Variants in DPP8 observed in about 807,000 individuals in gnomAD.
DPP8 encodes dipeptidyl peptidase 8, also known as DPP VIII.
A neutral mutation model predicts 107.5 loss-of-function variants in DPP8; 31 were observed. That is an observed-to-expected ratio of 0.29 (90% CI 0.22 to 0.39). DPP8 has a LOEUF of 0.39. Among genes scored for constraint, DPP8 ranks in the 10% least tolerant of loss-of-function variants. The probability of loss-of-function intolerance (pLI) is 1.00; values close to 1 mark genes in which losing one functional copy is unlikely to be tolerated. For synonymous variants in DPP8, 381 were observed against 356.6 expected (o/e 1.07, Z -0.77); for missense variants, 842 against 1,076.1 (o/e 0.78, Z 3.04).
intron 15 of DPP8, among the ~76,000 whole-genome samples, chr15:65,461,898 C>T (rs1328296311): frequency 6.8e-6 from 1 of 147,640 alleles, no homozygotes; most frequent in Non-Finnish European, 1.5e-5. Flanking sequence ...CGCGCACAGC[C>T]GACCGTTTTT....
chr15:65,478,344 C>T (rs762157589), intron 11 of DPP8, among the ~76,000 whole-genome samples: 4 of 152,104 alleles, frequency 2.6e-5, no homozygotes, highest in Admixed American at 6.5e-5. Flanking sequence ...CTGCAATCTC[C>T]GCCTCCTGGG....
chr15:65,454,820 C>T (rs548499711), intron 16 of DPP8, among the ~76,000 whole-genome samples: 8 of 151,650 alleles, frequency 5.3e-5, no homozygotes, highest in African/African-American at 1.7e-4. Flanking sequence ...CCACCACACC[C>T]GGCCCCGTAG....
At chr15:65,489,166 G>A (rs1007620177) in intron 6 of DPP8, among the ~76,000 whole-genome samples, 2 of 151,900 alleles carry the variant, frequency 1.3e-5, no homozygotes, top group Admixed American at 6.6e-5. Flanking sequence ...TCACCATGTT[G>A]GCCAGGATAG....
At chr15:65,516,951 A>C (rs1849961143) in intron 1 of DPP8, 1 of 152,704 alleles carries the variant, frequency 6.5e-6, no homozygotes, top group African/African-American at 2.4e-5. Flanking sequence ...TGTGGCAGGA[A>C]AGGAAAGTGT....
At chr15:65,500,571 C>A (rs1359617093) in intron 4 of DPP8, 35 bp downstream of exon 4, 2 of 1,592,562 alleles carry the variant, frequency 1.3e-6, no homozygotes, top group South Asian at 2.2e-5. Context: ...CTTTTGGACC[C>A]AAACCAGATT....
In DPP8 at chr15:65,444,821, C is replaced by A. The variant is rs2140277334; in HGVS notation, c.*2063G>T. On this transcript the variant is annotated 3_prime_UTR_variant, in exon 20 of 20. Coordinates refer to ENST00000300141, the MANE Select transcript of DPP8 (RefSeq NM_130434.5). Reference sequence around the variant, plus strand: ...CAATGGAGTAGCTGCTTAAAAGCTACTGTATACCATTTCTACTTTGCATAT... The same window carrying A: ...CAATGGAGTAGCTGCTTAAAAGCTAATGTATACCATTTCTACTTTGCATAT... 1 of 152,282 alleles carries A rather than the reference C, an allele frequency of 6.6e-6. No homozygotes were observed. Among genetic ancestry groups the A allele is most frequent in the African/African-American group, 2.4e-5 (1 of 41,552 alleles). The allele number at this position is 152,282 out of a possible 1,614,324, so 9.4% of individuals were successfully genotyped here.
chr15:65,479,037 G>C lies in DPP8; in HGVS notation c.1299C>G (p.Ile433Met), dbSNP rs1253226579. 1 of 1,563,792 alleles carries C rather than the reference G, an allele frequency of 6.4e-7. No homozygotes were observed. Among genetic ancestry groups the C allele is most frequent in the Non-Finnish European group, 8.6e-7 (1 of 1,158,498 alleles). ...YEETTDIWIN[I>M]HDIFHVFPQS... ...GGGGAAAAACATGAAAGATGTCATGGATCTGTAAAATGAATAGCTAAATTT... is the reference window on the plus strand; with the variant it reads ...GGGGAAAAACATGAAAGATGTCATGCATCTGTAAAATGAATAGCTAAATTT... The change falls in exon 11 of 20, where the codon ATC (isoleucine) becomes ATG (methionine). Residue 433 changes from isoleucine (I) to methionine (M), a missense_variant and splice_region_variant. Ile to Met is a conservative substitution (Grantham distance 10). Transcript: ENST00000300141.
At position 65,482,578 on chromosome 15, in the gene DPP8, T is replaced by C. The variant is rs530769530; in HGVS notation, c.1018-963A>G. On this transcript the variant is annotated intron_variant, in intron 8 of 19. Transcript: ENST00000300141. ...GGTGTAAGCCACCGTGCTTGGCCCA[T>C]TTGTGTAATATACTAAAGAAATAGT... Among the ~76,000 whole-genome samples, 5 of 152,260 alleles carry C rather than the reference T, an allele frequency of 3.3e-5. No homozygotes were observed. The South Asian group carries it at 8.3e-4, about 25-fold the overall frequency.
At chr15:65,456,495 T>A (rs899750132) in intron 15 of DPP8, 124 bp from the exon 16 acceptor site, 3 of 1,012,702 alleles carry the variant, frequency 3.0e-6, no homozygotes, top group Admixed American at 6.0e-5. Context: ...TGTAATTTTT[T>A]AAGTCATTTC....
At chr15:65,460,705 A>G (rs1366364074) in intron 15 of DPP8, among the ~76,000 whole-genome samples, 1 of 152,224 alleles carries the variant, frequency 6.6e-6, no homozygotes, top group Non-Finnish European at 1.5e-5. Context: ...TTGTATGTAT[A>G]GACCACATTT....
At chr15:65,489,180 C>T (rs530077441) in intron 6 of DPP8, among the ~76,000 whole-genome samples, 8 of 152,048 alleles carry the variant, frequency 5.3e-5, no homozygotes, top group East Asian at 3.9e-4. Context: ...AGGATAGTCT[C>T]GATCTCCTGA....
intron 12 of DPP8, among the ~76,000 whole-genome samples, chr15:65,471,101 A>G (rs560170869): frequency 6.6e-6 from 1 of 152,234 alleles, no homozygotes; most frequent in South Asian, 2.1e-4. Flanking sequence ...TTATGTAATG[A>G]CTCATCCTTC....
Position 65,474,214 on chromosome 15 carries a change from A to C in DPP8, c.1531T>G (p.Ser511Ala). The C allele has an allele frequency of 6.2e-7, 1 of 1,608,730 alleles. No homozygotes were observed. The highest frequency in any genetic ancestry group is 8.5e-7 in the Non-Finnish European group (1 of 1,175,210). ...AGTAGAATAAAATAACATACATTAG[A>C]TCCATGCCGGCCAAGAACTTCCCAT... is the stretch of plus-strand genomic sequence containing the variant. ...GEWEVLGRHG[S>A]NIQVDEVRRL... Residue 511 changes from serine to alanine, a missense_variant, in exon 12 of 20, where the codon TCT becomes GCT. Ser to Ala is a moderately conservative substitution (Grantham distance 99, BLOSUM62 1). Transcript: ENST00000300141.
chr15:65,485,544 C>CAAAAAA lies in DPP8; in HGVS notation c.956-390_956-385dup, dbSNP rs56940292. 1.5e-3 allele frequency among the ~76,000 whole-genome samples: 90 copies of CAAAAAA among 60,724 alleles called. 1 individual carries two copies. Among genetic ancestry groups the CAAAAAA allele is most frequent in the Non-Finnish European group, 2.0e-3 (58 of 29,290 alleles). 39.8% of individuals were successfully genotyped at this position (60,724 alleles called of 152,430 possible). The stretch of plus-strand genomic sequence containing the variant: ...CGGTAACAAGAGCGAGACTCCATCT[C>CAAAAAA]AAAAAAAAAAAAAAAAAAAAGAAAA... On this transcript the variant is annotated intron_variant, in intron 7 of 19. Coordinates refer to ENST00000300141, the MANE Select transcript of DPP8 (RefSeq NM_130434.5).
chr15:65,499,848 G>T (rs2069015336), intron 4 of DPP8, among the ~76,000 whole-genome samples: 1 of 152,172 alleles, frequency 6.6e-6, no homozygotes, highest in Admixed American at 6.6e-5. Flanking sequence ...TTATGGGTGT[G>T]AGCCACCACG....
At chr15:65,460,055 C>G (rs369337103) in intron 15 of DPP8, among the ~76,000 whole-genome samples, 135 of 152,234 alleles carry the variant, frequency 8.9e-4, no homozygotes, top group African/African-American at 3.1e-3. Context: ...GCATACAATT[C>G]AATGACATTA....
rs749984383 is a variant in DPP8 at position 65,512,517 on chromosome 15, C to G, written c.37G>C (p.Glu13Gln). 1 of 1,614,126 alleles carries G rather than the reference C, an allele frequency of 6.2e-7. No individual in the cohort carries two copies. The highest frequency in any genetic ancestry group is 1.1e-5 in the South Asian group (1 of 91,082). The change falls in exon 2 of 20, where the codon GAG (glutamate) becomes CAG (glutamine). Residue 13 changes from glutamate to glutamine, a missense_variant. This residue lies in a region of DPP8 where 663 missense variants were observed against 758.0 expected (regional missense o/e 0.87). Coordinates refer to ENST00000300141, the MANE Select transcript of DPP8 (RefSeq NM_130434.5). ...AAMETEQLGV[E>Q]IFETADCEEN... ...TCACAGTCCGCAGTTTCAAATATCT[C>G]AACACCCAGCTGTTCTGTTTCCATT...
intron 9 of DPP8, among the ~76,000 whole-genome samples, chr15:65,481,167 G>A (rs1448902365): frequency 2.0e-5 from 3 of 151,966 alleles, no homozygotes; most frequent in Non-Finnish European, 4.4e-5. Context: ...ATTAGACACA[G>A]AAACTATTTA....
At chr15:65,496,313 G>A (rs2068597569) in intron 5 of DPP8, among the ~76,000 whole-genome samples, 1 of 152,124 alleles carries the variant, frequency 6.6e-6, no homozygotes, top group African/African-American at 2.4e-5. Context: ...GATTGATGAT[G>A]ATGAGGGGAT....
Sources: allele counts gnomAD v4.1 joint callset (sites outside exome capture counted in the v4.1 genomes callset), GRCh38; gene constraint gnomAD v4.1.1; regional missense constraint gnomAD v4.1.1; transcripts MANE v1.5; gene names NCBI Gene and HGNC (gene_info 2026-07-23, HGNC 2026-07-21).